MBD5: variants seen among roughly 807,000 people sequenced by gnomAD.
The protein encoded by MBD5 is methyl-CpG-binding domain protein 5.
Under a neutral mutation model 117.3 loss-of-function variants are expected in MBD5, and 13 were observed. The ratio of observed to expected loss-of-function variants is 0.11; its 90% confidence interval spans 0.07 to 0.18. The LOEUF is 0.18. MBD5 is among the 10% of genes least tolerant of loss of function. The probability of loss-of-function intolerance (pLI) is 1.00; values close to 1 mark genes in which losing one functional copy is unlikely to be tolerated. For synonymous variants in MBD5, 727 were observed against 766.4 expected (o/e 0.95, Z 0.85); for missense variants, 1,879 against 2,093.8 (o/e 0.90, Z 2.00).
intron 1 of MBD5, among the ~76,000 whole-genome samples, chr2:148,116,915 A>G (rs541395219): frequency 2.6e-5 from 4 of 152,308 alleles, no homozygotes; most frequent in Admixed American, 2.6e-4. Context: ...CTAGGGAACA[A>G]TGGTTTTAAC....
At chr2:148,177,386 G>A (rs982901729) in intron 1 of MBD5, among the ~76,000 whole-genome samples, 1 of 152,138 alleles carries the variant, frequency 6.6e-6, no homozygotes, top group African/African-American at 2.4e-5. Flanking sequence ...ATTTTAAAGT[G>A]CTACTTTGGT....
At chr2:148,362,414 T>C (rs1282042536) in intron 4 of MBD5, among the ~76,000 whole-genome samples, 1 of 152,160 alleles carries the variant, frequency 6.6e-6, no homozygotes, top group Non-Finnish European at 1.5e-5. Flanking sequence ...GCAAAGCCAC[T>C]GTAGCCAGAC....
chr2:148,118,538 G>A (rs1241639355), intron 1 of MBD5, among the ~76,000 whole-genome samples: 1 of 151,674 alleles, frequency 6.6e-6, no homozygotes, highest in Non-Finnish European at 1.5e-5. Context: ...AAGCCCAGGA[G>A]TTCAAAGTTG....
intron 1 of MBD5, among the ~76,000 whole-genome samples, chr2:148,146,074 AT>A (rs1204798925): frequency 6.6e-6 from 1 of 152,170 alleles, no homozygotes; most frequent in Non-Finnish European, 1.5e-5. Flanking sequence ...TTAATTGTAT[AT>A]TGATATGACA....
intron 4 of MBD5, among the ~76,000 whole-genome samples, chr2:148,429,189 A>T (rs1000930782): frequency 1.3e-5 from 2 of 152,224 alleles, no homozygotes; most frequent in African/African-American, 4.8e-5. Context: ...GGAGAAAAAT[A>T]TGAAGAGACA....
chr2:148,050,231 A>G (rs894094493), intron 1 of MBD5, among the ~76,000 whole-genome samples: 9 of 152,118 alleles, frequency 5.9e-5, no homozygotes, highest in Admixed American at 5.2e-4. Context: ...CCATCAAGTG[A>G]GGTTGAAATT....
chr2:148,463,865 A>G lies in MBD5; in HGVS notation c.343A>G (p.Ser115Gly). 1 of 1,613,764 alleles carries G rather than the reference A, an allele frequency of 6.2e-7. No homozygotes were observed. Among genetic ancestry groups the G allele is most frequent in the Non-Finnish European group, 8.5e-7 (1 of 1,179,768 alleles). ...TATTGCAGTGGCCACACTTCATAAA[A>G]GCATGGAAGCCCCACATCCTTCTCT... ...KIIAVATLHK[S>G]MEAPHPSLVL... The change falls in exon 7 of 14, where the codon AGC becomes GGC. Residue 115 changes from serine to glycine, a missense_variant. Coordinates refer to ENST00000642680, the MANE Select transcript of MBD5 (RefSeq NM_001378120.1).
At chr2:148,273,367 G>T (rs987853950) in intron 3 of MBD5, among the ~76,000 whole-genome samples, 4 of 152,132 alleles carry the variant, frequency 2.6e-5, no homozygotes, top group African/African-American at 9.7e-5. Context: ...TAAAACTATG[G>T]TTCACGAGTC....
chr2:148,175,797 C>T (rs949524045), intron 1 of MBD5, among the ~76,000 whole-genome samples: 2 of 152,108 alleles, frequency 1.3e-5, no homozygotes, highest in African/African-American at 4.8e-5. Flanking sequence ...AATAGCACTT[C>T]TTTATTTTCT....
chr2:148,223,850 A>G (rs1193777037), intron 2 of MBD5, among the ~76,000 whole-genome samples: 1 of 151,980 alleles, frequency 6.6e-6, no homozygotes, highest in African/African-American at 2.4e-5. Flanking sequence ...TTTTTCATGT[A>G]GGCACTTATG....
At chr2:148,477,642 A>T (rs1681013164) in intron 8 of MBD5, among the ~76,000 whole-genome samples, 2 of 152,156 alleles carry the variant, frequency 1.3e-5, no homozygotes, top group Admixed American at 1.3e-4. Context: ...GAGAAAATTT[A>T]CTATTTCAAT....
intron 1 of MBD5, among the ~76,000 whole-genome samples, chr2:148,119,993 T>G (rs1696729421): frequency 6.6e-6 from 1 of 151,878 alleles, no homozygotes; most frequent in South Asian, 2.1e-4. Context: ...AAAAGCTCAC[T>G]GCAGCCTCAA....
intron 3 of MBD5, among the ~76,000 whole-genome samples, chr2:148,315,312 G>A (rs1230630533): frequency 1.3e-5 from 2 of 152,150 alleles, no homozygotes; most frequent in Non-Finnish European, 2.9e-5. Flanking sequence ...ATAGCTGAAA[G>A]CACCTCACCA....
At chr2:148,299,478 G>C (rs996803312) in intron 3 of MBD5, among the ~76,000 whole-genome samples, 4 of 152,084 alleles carry the variant, frequency 2.6e-5, no homozygotes, top group African/African-American at 9.7e-5. Context: ...AACTTTAGGA[G>C]TTCTTCTTTG....
intron 1 of MBD5, among the ~76,000 whole-genome samples, chr2:148,115,864 A>T (rs1457394960): frequency 6.6e-6 from 1 of 152,004 alleles, no homozygotes; most frequent in African/African-American, 2.4e-5. Flanking sequence ...CATTCATTTG[A>T]GACAGGGTCT....
chr2:148,331,177 G>C (rs1445263650), intron 3 of MBD5, among the ~76,000 whole-genome samples: 2 of 152,106 alleles, frequency 1.3e-5, no homozygotes, highest in Non-Finnish European at 2.9e-5. Flanking sequence ...TTCATATGCA[G>C]CACACTTAAG....
chr2:148,109,273 A>G (rs556899517), intron 1 of MBD5, among the ~76,000 whole-genome samples: 48 of 152,292 alleles, frequency 3.2e-4, no homozygotes, highest in African/African-American at 1.1e-3. Context: ...CAACAGAGTG[A>G]GACTCTGTCT....
intron 1 of MBD5, among the ~76,000 whole-genome samples, chr2:148,110,272 C>G (rs578132806): frequency 6.6e-6 from 1 of 152,220 alleles, no homozygotes; most frequent in East Asian, 1.9e-4. Context: ...AGAATTCAGT[C>G]TAGGTTTGTC....
At chr2:148,425,129 A>T (rs1402005516) in intron 4 of MBD5, among the ~76,000 whole-genome samples, 1 of 152,136 alleles carries the variant, frequency 6.6e-6, no homozygotes, top group African/African-American at 2.4e-5. Flanking sequence ...AAATAGATAG[A>T]CCACTAGCCA....
Sources: gnomAD v4.1 joint callset for allele counts (sites outside exome capture counted in the v4.1 genomes callset) on GRCh38, gnomAD v4.1.1 for gene constraint, MANE v1.5 for transcripts, NCBI Gene and HGNC (gene_info 2026-07-23, HGNC 2026-07-21) for gene names.